The following XRCC4 variants were observed in gnomAD, a reference collection of about 807,000 sequenced individuals.
XRCC4 encodes DNA repair protein XRCC4.
In XRCC4, 28 loss-of-function variants were observed where a neutral mutation model predicts 39.1. The ratio of observed to expected loss-of-function variants is 0.72; its 90% CI spans 0.53 to 0.98. XRCC4 has a LOEUF of 0.98. XRCC4 is among the 50% of genes least tolerant of loss of function. XRCC4 has a pLI of 0.00. For synonymous variants in XRCC4, 123 were observed against 126.4 expected (o/e 0.97, Z 0.18); for missense variants, 350 against 376.4 (o/e 0.93, Z 0.58).
chr5:83,168,874 G>C (rs1332816976), intron 3 of XRCC4, among the ~76,000 whole-genome samples: 1 of 152,116 alleles, frequency 6.6e-6, no homozygotes, highest in Non-Finnish European at 1.5e-5. Flanking sequence ...AGCAAAGATT[G>C]AAGATTGATG....
intron 3 of XRCC4, among the ~76,000 whole-genome samples, chr5:83,142,293 GAT>G (rs1460323647): frequency 1.3e-3 from 55 of 42,628 alleles, no homozygotes; most frequent in African/African-American, 9.0e-3. Flanking sequence ...CAGTGTTATG[GAT>G]GAGGAAACTA....
chr5:83,216,525 G>A (rs1454561167), intron 6 of XRCC4, among the ~76,000 whole-genome samples: 1 of 152,152 alleles, frequency 6.6e-6, no homozygotes, highest in Non-Finnish European at 1.5e-5. Context: ...CTGTTCATCA[G>A]AGCATTAGTA....
intron 7 of XRCC4, chr5:83,280,566 T>C (rs992334971): frequency 5.9e-6 from 3 of 507,440 alleles, no homozygotes; most frequent in East Asian, 3.5e-5. Context: ...GAGCCCACAC[T>C]CCGACCACTG....
intron 3 of XRCC4, among the ~76,000 whole-genome samples, chr5:83,115,976 G>A (rs1385946555): frequency 6.6e-6 from 1 of 152,164 alleles, no homozygotes; most frequent in Non-Finnish European, 1.5e-5. Context: ...GGATGCAGCT[G>A]AGAGATCACA....
At chr5:83,337,404 G>A (rs183606443) in intron 7 of XRCC4, among the ~76,000 whole-genome samples, 17 of 152,228 alleles carry the variant, frequency 1.1e-4, no homozygotes, top group African/African-American at 2.4e-4. Context: ...GTGATGCTGC[G>A]TGATTTCTGG....
At chr5:83,216,390 A>C (rs562219740) in intron 6 of XRCC4, among the ~76,000 whole-genome samples, 57 of 152,330 alleles carry the variant, frequency 3.7e-4, no homozygotes, top group African/African-American at 1.3e-3. Flanking sequence ...CAACCACTTT[A>C]GAAAACTGTT....
intron 3 of XRCC4, among the ~76,000 whole-genome samples, chr5:83,139,357 T>C (rs1748054290): frequency 6.6e-6 from 1 of 152,224 alleles, no homozygotes; most frequent in Admixed American, 6.5e-5. Context: ...TATTAGAGGA[T>C]ACTTGATATT....
chr5:83,194,731 T>C (rs1287961040), intron 3 of XRCC4, among the ~76,000 whole-genome samples: 1 of 152,176 alleles, frequency 6.6e-6, no homozygotes, highest in African/African-American at 2.4e-5. Context: ...TCTTTGGAAT[T>C]ATGTGTAGGT....
chr5:83,362,326 AT>A, the XRCC4 span, among the ~76,000 whole-genome samples: 1 of 144,282 alleles, frequency 6.9e-6, no homozygotes, highest in African/African-American at 2.5e-5. Flanking sequence ...AAACTATCTC[AT>A]TGTTTTAGGT....
At chr5:83,364,536 C>A in the XRCC4 span, among the ~76,000 whole-genome samples, 3 of 152,164 alleles carry the variant, frequency 2.0e-5, no homozygotes, top group African/African-American at 7.2e-5. Flanking sequence ...GCACTTGCAA[C>A]CAGGCCATCT....
chr5:83,348,708 C>T (rs1032596794), intron 7 of XRCC4, among the ~76,000 whole-genome samples: 6 of 152,252 alleles, frequency 3.9e-5, no homozygotes, highest in African/African-American at 1.2e-4. Flanking sequence ...GCGCAAATTT[C>T]TGCAGCCTTG....
intron 7 of XRCC4, among the ~76,000 whole-genome samples, chr5:83,341,198 A>AG (rs1355526209): frequency 2.7e-5 from 4 of 145,922 alleles, no homozygotes; most frequent in Non-Finnish European, 3.0e-5. Context: ...ATAAGGTTTA[A>AG]AAAAAAAAAA....
chr5:83,341,337 CACATATAT>C (rs1240086434), intron 7 of XRCC4, among the ~76,000 whole-genome samples: 2 of 152,128 alleles, frequency 1.3e-5, no homozygotes, highest in Non-Finnish European at 2.9e-5. Flanking sequence ...CACACATACA[CACATATAT>C]ACATGCACAT....
intron 1 of XRCC4, among the ~76,000 whole-genome samples, chr5:83,084,792 C>T (rs1745107078): frequency 1.3e-5 from 2 of 152,102 alleles, no homozygotes; most frequent in South Asian, 4.1e-4. Context: ...GACTTCCCAA[C>T]TACTCTTTAT....
chr5:83,077,980 A>C (rs1037855519), intron 1 of XRCC4: 2 of 152,430 alleles, frequency 1.3e-5, no homozygotes, highest in Non-Finnish European at 2.9e-5. Context: ...TTTCCCCAGC[A>C]CTGGCCTGTC....
At chr5:83,148,463 T>A (rs1748558792) in intron 3 of XRCC4, among the ~76,000 whole-genome samples, 1 of 152,198 alleles carries the variant, frequency 6.6e-6, no homozygotes, top group Non-Finnish European at 1.5e-5. Context: ...TTTGCTCCCC[T>A]GTATCAACTG....
chr5:83,102,851 G>C (rs1189564307), intron 1 of XRCC4, among the ~76,000 whole-genome samples: 1 of 151,710 alleles, frequency 6.6e-6, no homozygotes, highest in African/African-American at 2.4e-5. Flanking sequence ...CTACTGACAA[G>C]CAAAGTGCTG....
intron 3 of XRCC4, among the ~76,000 whole-genome samples, chr5:83,191,905 T>C (rs190757493): frequency 5.1e-4 from 77 of 152,154 alleles, no homozygotes; most frequent in African/African-American, 1.8e-3. Context: ...AACTAATACA[T>C]AGGCTAACTT....
intron 1 of XRCC4, among the ~76,000 whole-genome samples, chr5:83,092,170 C>T (rs555145533): frequency 2.4e-4 from 36 of 152,188 alleles, no homozygotes; most frequent in African/African-American, 7.9e-4. Context: ...TGACAAATAC[C>T]TATTCAGGTC....
Sources: allele counts gnomAD v4.1 joint callset (sites outside exome capture counted in the v4.1 genomes callset), GRCh38; gene constraint gnomAD v4.1.1; transcripts MANE v1.5; gene names NCBI Gene and HGNC (gene_info 2026-07-23, HGNC 2026-07-21).